TRPM4: variants seen among roughly 807,000 people sequenced by gnomAD.
The protein encoded by TRPM4 is calcium-activated non-selective cation channel 1.
A neutral mutation model predicts 135.6 loss-of-function variants in TRPM4; 124 were observed. That is an observed-to-expected ratio of 0.91 (90% CI 0.79 to 1.06). The LOEUF (loss-of-function observed/expected upper bound fraction) is 1.06. Among genes scored for constraint, TRPM4 ranks in the 50% least tolerant of loss-of-function variants. The pLI, the probability that TRPM4 is intolerant of heterozygous loss-of-function variation, is 0.00. For missense variants in TRPM4, 1,658 were observed against 1,671.4 expected (o/e 0.99, Z 0.14); for synonymous variants, 745 against 705.6 (o/e 1.06, Z -0.88).
chr19:49,183,268 T>C, intron 12 of TRPM4, 56 bp downstream of exon 12: 1 of 1,611,178 alleles, frequency 6.2e-7, no homozygotes, highest in Middle Eastern at 1.7e-4. Flanking sequence ...TGGATGCCAG[T>C]GTTCCCGAAA....
intron 1 of TRPM4, 100 bp downstream of exon 1, chr19:49,157,990 C>T (rs1402755857): frequency 6.4e-6 from 9 of 1,398,114 alleles, no homozygotes; most frequent in African/African-American, 1.4e-5. Context: ...CTGGGTCAGA[C>T]GGAGGAGGGG....
At position 49,210,480 on chromosome 19, in the gene TRPM4, G is replaced by T. The variant is rs561852859; in HGVS notation, c.3328+75G>T. 1 of 1,553,782 alleles carries T rather than the reference G, an allele frequency of 6.4e-7. No individual in the cohort carries two copies. Among genetic ancestry groups the T allele is most frequent in the South Asian group, 1.1e-5 (1 of 88,934 alleles). ...CTGGAAGGCGAGGGGAAGGGGGCAT[G>T]CCCCAAATGACTAACGGGCGTGGCT... On this transcript the variant is annotated intron_variant, in intron 21 of 24. Coordinates refer to ENST00000252826, the MANE Select transcript of TRPM4 (RefSeq NM_017636.4). The surrounding 1 kb of genome is among the most constrained non-coding windows in gnomAD (Gnocchi z 4.1).
At chr19:49,201,597 A>C (rs1298194581) in intron 19 of TRPM4, among the ~76,000 whole-genome samples, 1 of 152,136 alleles carries the variant, frequency 6.6e-6, no homozygotes, top group Non-Finnish European at 1.5e-5. Flanking sequence ...TTTGAAGAGG[A>C]ACCTGTACTT....
intron 16 of TRPM4, among the ~76,000 whole-genome samples, chr19:49,192,721 G>C (rs919405613): frequency 8.5e-5 from 13 of 152,084 alleles, no homozygotes; most frequent in Admixed American, 1.3e-4. Context: ...AAAATAACTA[G>C]TGGGTACTAG....
At chr19:49,186,887 A>C (rs1030002343) in intron 12 of TRPM4, among the ~76,000 whole-genome samples, 2 of 151,720 alleles carry the variant, frequency 1.3e-5, no homozygotes, top group African/African-American at 4.9e-5. Flanking sequence ...AAAAAAAAAA[A>C]AGATTTTAAC....
intron 6 of TRPM4, among the ~76,000 whole-genome samples, chr19:49,170,302 C>A (rs1317208911): frequency 6.6e-6 from 1 of 152,128 alleles, no homozygotes; most frequent in Non-Finnish European, 1.5e-5. Context: ...GTTTTTCCTG[C>A]CTCAGCCTCC....
At position 49,210,300 on chromosome 19, in the gene TRPM4, C is replaced by T. The variant is rs999950139; in HGVS notation, c.3223C>T (p.Leu1075=). ...LIREFHSRPA[L]APPFIVISHL... is the part of the protein sequence containing the mutation. ...CCGGGAATTCCACTCTCGGCCCGCG[C>T]TGGCCCCGCCCTTTATCGTCATCTC... The change falls in exon 21 of 25, where the codon CTG becomes TTG. Residue 1075 remains leucine, a synonymous_variant. Coordinates refer to ENST00000252826, the MANE Select transcript of TRPM4 (RefSeq NM_017636.4). The surrounding 1 kb of genome is among the most constrained non-coding windows in gnomAD (Gnocchi z 4.1). The T allele has an allele frequency of 6.2e-7, 1 of 1,614,128 alleles. No individual in the cohort carries two copies. The highest frequency in any genetic ancestry group is 1.3e-5 in the African/African-American group (1 of 74,950).
chr19:49,197,340 CTTTCTTTCTTTCTTTCTTTCTT>C lies in TRPM4; in HGVS notation c.2645+468_2645+489del, dbSNP rs1390333846. Reference sequence around the variant, plus strand: ...TCTTTCTTTCTTTCTTTCTTTCTTTCTTTCTTTCTTTCTTTCTTTCTTTCTCTCTCTTTCTTTTCTTTCTTTC... The same window carrying C: ...TCTTTCTTTCTTTCTTTCTTTCTTTCTCTCTCTCTTTCTTTTCTTTCTTTC... On this transcript the variant is annotated intron_variant, in intron 17 of 24. Coordinates refer to ENST00000252826, the MANE Select transcript of TRPM4 (RefSeq NM_017636.4). Among the ~76,000 whole-genome samples, 948 of 121,316 alleles carry C rather than the reference CTTTCTTTCTTTCTTTCTTTCTT, an allele frequency of 7.8e-3. 19 individuals carry two copies. Among genetic ancestry groups the C allele is most frequent in the African/African-American group, 0.037 (904 of 24,570 alleles). 79.6% of individuals were successfully genotyped at this position (121,316 alleles called of 152,430 possible).
chr19:49,168,375 G>A lies in TRPM4; in HGVS notation c.564G>A (p.Val188=). The A allele has an allele frequency of 1.2e-6, 2 of 1,614,070 alleles. No homozygotes were observed. Among genetic ancestry groups the A allele is most frequent in the Non-Finnish European group, 8.5e-7 (1 of 1,180,020 alleles). ...GCACCAAGGTGGTGGCCATGGGTGT[G>A]GCCCCCTGGGGTGTGGTCCGGAATA... ...TGGTKVVAMG[V]APWGVVRNRD... Residue 188 remains valine, a synonymous_variant, in exon 5 of 25, where the codon GTG becomes GTA. Transcript: ENST00000252826.
At chr19:49,175,942 T>C (rs1245238445) in intron 9 of TRPM4, among the ~76,000 whole-genome samples, 2 of 126,812 alleles carry the variant, frequency 1.6e-5, no homozygotes, top group Admixed American at 1.6e-4. Context: ...TTTTTTTTTT[T>C]TTAAAGAGTC....
At position 49,194,759 on chromosome 19, in the gene TRPM4, C is replaced by T. The variant is rs1433106336; in HGVS notation, c.2211-1681C>T. ...CCCTCCCTCCCTCTCTCCCTCCCCCCAACCCTTCCTTCCTCCCTTCTGAGA... is the reference window on the plus strand; with the variant it reads ...CCCTCCCTCCCTCTCTCCCTCCCCCTAACCCTTCCTTCCTCCCTTCTGAGA... On this transcript the variant is annotated intron_variant, in intron 16 of 24. Transcript: ENST00000252826. Among the ~76,000 whole-genome samples the T allele has an allele frequency of 4.2e-5, 6 of 144,176 alleles. No homozygotes were observed. In the Admixed American group the frequency reaches 4.2e-4, roughly 10 times the overall value. The allele number at this position is 144,176 out of a possible 152,430, so 94.6% of individuals were successfully genotyped here.
intron 2 of TRPM4, 198 bp downstream of exon 2, chr19:49,158,457 C>T (rs2041561735): frequency 3.2e-6 from 2 of 620,834 alleles, no homozygotes; most frequent in South Asian, 1.8e-5. Flanking sequence ...GCCATTCTCC[C>T]GCTCAGGGTC....
chr19:49,175,409 A>C (rs963520881), intron 9 of TRPM4, among the ~76,000 whole-genome samples: 28 of 151,460 alleles, frequency 1.8e-4, no homozygotes, highest in African/African-American at 6.6e-4. Context: ...GGGTTTCACT[A>C]TGTTGCCCAG....
At chr19:49,166,759 T>G (rs1181921136) in intron 3 of TRPM4, among the ~76,000 whole-genome samples, 1 of 150,770 alleles carries the variant, frequency 6.6e-6, no homozygotes, top group African/African-American at 2.4e-5. Context: ...TCTGTCTCTG[T>G]CTCTCTGGGT....
At chr19:49,158,432 C>G in intron 2 of TRPM4, 173 bp downstream of exon 2, 1 of 665,226 alleles carries the variant, frequency 1.5e-6, no homozygotes, top group South Asian at 1.7e-5. Flanking sequence ...TGTAGACACC[C>G]CTCATTCCCC....
chr19:49,201,274 A>T (rs1483007284), intron 19 of TRPM4, among the ~76,000 whole-genome samples: 3 of 152,112 alleles, frequency 2.0e-5, no homozygotes, highest in Non-Finnish European at 4.4e-5. Flanking sequence ...ATTGGCTAGT[A>T]ACTTAGAAGT....
In TRPM4 at chr19:49,200,360, C is replaced by G; in HGVS notation, c.2706C>G (p.Phe902Leu). The change falls in exon 18 of 25, where the codon TTC becomes TTG. Residue 902 changes from phenylalanine to leucine, a missense_variant. Phe to Leu is a conservative substitution (Grantham distance 22, BLOSUM62 0). Around this residue, in one of 3 missense-constraint regions of TRPM4, gnomAD observed 1,412 missense variants for 1,408.7 expected, o/e 1.00. Coordinates refer to ENST00000252826, the MANE Select transcript of TRPM4 (RefSeq NM_017636.4). ...TCCTCTGCATCGACTTCATGGTTTT[C>G]ACGGTGCGGCTGCTTCACATCTTCA... ...RTVLCIDFMV[F>L]TVRLLHIFTV... The G allele has an allele frequency of 6.2e-7, 1 of 1,614,070 alleles. No individual in the cohort carries two copies. The highest frequency in any genetic ancestry group is 8.5e-7 in the Non-Finnish European group (1 of 1,180,032).
intron 9 of TRPM4, among the ~76,000 whole-genome samples, chr19:49,179,432 C>A (rs1967831240): frequency 6.6e-6 from 1 of 152,018 alleles, no homozygotes. Flanking sequence ...CTCACTGCAA[C>A]CTCCACCTCC....
At chr19:49,209,802 G>T (rs987222861) in intron 20 of TRPM4, among the ~76,000 whole-genome samples, 2 of 142,254 alleles carry the variant, frequency 1.4e-5, no homozygotes, top group Non-Finnish European at 3.0e-5. Context: ...AGGCTGGAGT[G>T]CAGTGGCACG....
Sources: allele counts gnomAD v4.1 joint callset (sites outside exome capture counted in the v4.1 genomes callset), GRCh38; gene constraint gnomAD v4.1.1; regional missense constraint gnomAD v4.1.1; non-coding constraint Gnocchi (gnomAD v3.1); transcripts MANE v1.5; gene names NCBI Gene and HGNC (gene_info 2026-07-23, HGNC 2026-07-21).